The following THSD7B variants were observed in gnomAD, a reference collection of about 807,000 sequenced individuals.
THSD7B encodes thrombospondin type-1 domain-containing protein 7B.
In THSD7B, 138 loss-of-function variants were observed where a neutral mutation model predicts 213.6. The observed-to-expected ratio is 0.65, with a 90% CI of 0.56 to 0.74. The LOEUF is 0.74. Ranked by LOEUF, THSD7B falls within the 30% of genes least tolerant of loss-of-function variation. The pLI, the probability that THSD7B is intolerant of heterozygous loss-of-function variation, is 0.00. For synonymous variants in THSD7B, 742 were observed against 687.0 expected (o/e 1.08, Z -1.25); for missense variants, 1,931 against 1,991.5 (o/e 0.97, Z 0.58).
At chr2:136,984,506 G>T (rs1187144061) in intron 2 of THSD7B, among the ~76,000 whole-genome samples, 1 of 152,126 alleles carries the variant, frequency 6.6e-6, no homozygotes, top group Non-Finnish European at 1.5e-5. Context: ...TTCCACCATG[G>T]TTGTAAGCCT....
chr2:137,421,640 A>G (rs1479578605), intron 14 of THSD7B, among the ~76,000 whole-genome samples: 1 of 152,090 alleles, frequency 6.6e-6, no homozygotes, highest in Non-Finnish European at 1.5e-5. Context: ...TTTTTATGGA[A>G]GTTTCATGAA....
At chr2:137,104,939 G>T (rs906701159) in intron 4 of THSD7B, among the ~76,000 whole-genome samples, 2 of 152,016 alleles carry the variant, frequency 1.3e-5, no homozygotes, top group African/African-American at 4.8e-5. Context: ...CAAAAAAATT[G>T]CAGGACCAAA....
intron 12 of THSD7B, among the ~76,000 whole-genome samples, chr2:137,339,564 A>G (rs536122554): frequency 6.6e-6 from 1 of 151,848 alleles, no homozygotes; most frequent in African/African-American, 2.4e-5. Flanking sequence ...GGAGATTTGG[A>G]ACAACTATAA....
intron 5 of THSD7B, among the ~76,000 whole-genome samples, chr2:137,119,897 T>C (rs1245977841): frequency 6.6e-6 from 1 of 152,148 alleles, no homozygotes; most frequent in Non-Finnish European, 1.5e-5. Context: ...TAAGGGGCAA[T>C]TGGAGGAGAT....
intron 20 of THSD7B, 121 bp downstream of exon 20, chr2:137,620,847 C>A: frequency 1.3e-6 from 1 of 766,338 alleles, no homozygotes; most frequent in Non-Finnish European, 2.1e-6. Context: ...GAAACTGACC[C>A]ACAGGGGAAG....
chr2:136,915,053 C>G (rs2565216), intron 2 of THSD7B, among the ~76,000 whole-genome samples: 74,408 of 151,882 alleles, frequency 0.49, 19,219 homozygotes, highest in Non-Finnish European at 0.58. Context: ...CACAAACATG[C>G]CTTCTGGGTT....
chr2:137,545,981 A>G (rs548218213), intron 15 of THSD7B, among the ~76,000 whole-genome samples: 1 of 151,758 alleles, frequency 6.6e-6, no homozygotes, highest in East Asian at 2.0e-4. Flanking sequence ...TTAATTCAAG[A>G]CATCCTTTAT....
At chr2:137,471,712 TG>T (rs1688098424) in intron 15 of THSD7B, among the ~76,000 whole-genome samples, 1 of 152,066 alleles carries the variant, frequency 6.6e-6, no homozygotes, top group Non-Finnish European at 1.5e-5. Flanking sequence ...GGGAGAACTT[TG>T]GGGTCCAGGG....
At chr2:137,415,676 T>G (rs1319156142) in intron 14 of THSD7B, among the ~76,000 whole-genome samples, 6 of 149,840 alleles carry the variant, frequency 4.0e-5, no homozygotes, top group African/African-American at 1.2e-4. Context: ...TTTTTTTTTT[T>G]TTTTTTTTTT....
rs1228096814 is a variant in THSD7B at position 137,659,528 on chromosome 2, A to G, written c.4376-136A>G. On this transcript the variant is annotated intron_variant, in intron 24 of 27. Coordinates refer to ENST00000409968, the MANE Select transcript of THSD7B (RefSeq NM_001316349.2). Reference sequence around the variant, plus strand: ...AATCAATAAAATAGGCTTGGACCACAATGTTGGCAAATAGATTTTTCAAAA... The same window carrying G: ...AATCAATAAAATAGGCTTGGACCACGATGTTGGCAAATAGATTTTTCAAAA... 18 of 736,686 alleles carry G rather than the reference A, an allele frequency of 2.4e-5. No homozygotes were observed. The Admixed American group carries it at 3.0e-4, about 12-fold the overall frequency. The allele number at this position is 736,686 out of a possible 1,614,324, so 45.6% of individuals were successfully genotyped here.
At chr2:137,226,229 A>G (rs1182916026) in intron 7 of THSD7B, among the ~76,000 whole-genome samples, 1 of 151,916 alleles carries the variant, frequency 6.6e-6, no homozygotes, top group African/African-American at 2.4e-5. Context: ...AAATATCAAT[A>G]AAGTACCCAG....
intron 14 of THSD7B, among the ~76,000 whole-genome samples, chr2:137,425,218 T>C (rs1000700872): frequency 1.3e-5 from 2 of 151,942 alleles, no homozygotes; most frequent in Admixed American, 6.6e-5. Flanking sequence ...TTTATTTTTA[T>C]TTTTTATTTT....
intron 7 of THSD7B, among the ~76,000 whole-genome samples, chr2:137,193,330 A>T (rs1433811932): frequency 6.6e-6 from 1 of 152,208 alleles, no homozygotes; most frequent in Non-Finnish European, 1.5e-5. Flanking sequence ...GCGTAAATTT[A>T]TGAGGTGCAA....
chr2:136,983,371 G>GACACACAGACACACACACACACACACACA (rs1398395384), intron 2 of THSD7B, among the ~76,000 whole-genome samples: 14 of 141,114 alleles, frequency 9.9e-5, no homozygotes, highest in East Asian at 4.2e-4. Context: ...ACACACACAC[G>GACACACAGACACACACACACACACACACA]CACACACACT....
At chr2:137,057,968 G>A (rs572822531) in intron 3 of THSD7B, among the ~76,000 whole-genome samples, 40 of 152,260 alleles carry the variant, frequency 2.6e-4, no homozygotes, top group Admixed American at 1.0e-3. Context: ...ACCTCAGAGG[G>A]TCTTAAATGA....
intron 2 of THSD7B, among the ~76,000 whole-genome samples, chr2:136,911,081 A>C (rs191994536): frequency 9.6e-4 from 146 of 152,318 alleles, no homozygotes; most frequent in African/African-American, 3.0e-3. Context: ...TAACTAATAC[A>C]TACTAAGGGA....
chr2:137,178,850 G>T (rs1270543802), intron 7 of THSD7B, among the ~76,000 whole-genome samples: 6 of 152,130 alleles, frequency 3.9e-5, no homozygotes, highest in African/African-American at 1.4e-4. Flanking sequence ...GATAGCTTTT[G>T]TCTTTTTTCT....
intron 14 of THSD7B, among the ~76,000 whole-genome samples, chr2:137,449,761 C>T (rs765979273): frequency 6.6e-6 from 1 of 152,100 alleles, no homozygotes; most frequent in African/African-American, 2.4e-5. Flanking sequence ...CACAAAAGGA[C>T]CCAGTCCTCT....
intron 1 of THSD7B, among the ~76,000 whole-genome samples, chr2:136,855,762 A>T (rs1323188896): frequency 6.6e-6 from 1 of 151,868 alleles, no homozygotes; most frequent in Non-Finnish European, 1.5e-5. Context: ...GTGAGCCATC[A>T]CGCCCGGGCT....
Sources: allele counts gnomAD v4.1 joint callset (sites outside exome capture counted in the v4.1 genomes callset), GRCh38; gene constraint gnomAD v4.1.1; transcripts MANE v1.5; gene names NCBI Gene and HGNC (gene_info 2026-07-23, HGNC 2026-07-21).